The following SLC41A3 variants were observed in gnomAD, a reference collection of about 807,000 sequenced individuals.
SLC41A3 encodes the protein SLC41A1-like 2.
SLC41A3 carries 44 observed loss-of-function variants against 45.4 expected under a neutral mutation model. The observed-to-expected ratio is 0.97, with a 90% CI of 0.76 to 1.25. SLC41A3 has a LOEUF of 1.25. Ranked by LOEUF, SLC41A3 falls within the 50% of genes most tolerant of loss-of-function variation. The probability of loss-of-function intolerance (pLI) is 0.00; values close to 1 mark genes in which losing one functional copy is unlikely to be tolerated. For missense variants in SLC41A3, 550 were observed against 600.6 expected, an observed-to-expected ratio of 0.92 and a Z score of 0.88; for synonymous variants, 256 against 252.4, an observed-to-expected ratio of 1.01 and a Z score of -0.13.
intron 3 of SLC41A3, among the ~76,000 whole-genome samples, chr3:126,040,717 A>C (rs1001784989): frequency 2.6e-5 from 4 of 152,182 alleles, no homozygotes; most frequent in Non-Finnish European, 4.4e-5. Context: ...TACCCATGAA[A>C]AGAGTTACTG....
chr3:126,028,732 C>T (rs1221498623), intron 4 of SLC41A3, among the ~76,000 whole-genome samples: 1 of 152,264 alleles, frequency 6.6e-6, no homozygotes, highest in Non-Finnish European at 1.5e-5. Flanking sequence ...GCACTGAATA[C>T]CAGCCCATGA....
intron 2 of SLC41A3, among the ~76,000 whole-genome samples, chr3:126,062,202 T>C (rs563902307): frequency 6.6e-6 from 1 of 152,272 alleles, no homozygotes; most frequent in South Asian, 2.1e-4. Flanking sequence ...TCCTGGTGGA[T>C]TACCACCACC....
chr3:126,083,859 C>T (rs537624774), intron 1 of SLC41A3: 1 of 150,088 alleles, frequency 6.7e-6, no homozygotes, highest in Non-Finnish European at 1.5e-5. Flanking sequence ...GCCGCCCCTC[C>T]GACCCCTCGT....
chr3:126,081,719 G>C (rs1945162588), intron 1 of SLC41A3, among the ~76,000 whole-genome samples: 1 of 152,210 alleles, frequency 6.6e-6, no homozygotes, highest in Non-Finnish European at 1.5e-5. Flanking sequence ...GAAGGGCCTG[G>C]AACACAGCCA....
At chr3:126,019,711 C>G (rs1319220367) in intron 6 of SLC41A3, among the ~76,000 whole-genome samples, 2 of 152,188 alleles carry the variant, frequency 1.3e-5, no homozygotes, top group Non-Finnish European at 1.5e-5. Context: ...TCCTCTGACT[C>G]CATGCCAGGC....
At chr3:126,055,097 CA>C (rs1053686821) in intron 2 of SLC41A3, among the ~76,000 whole-genome samples, 6 of 152,138 alleles carry the variant, frequency 3.9e-5, no homozygotes, top group Non-Finnish European at 7.4e-5. Context: ...AACTTGGACC[CA>C]GGGGCACAGA....
chr3:126,012,764 G>T lies in SLC41A3; in HGVS notation c.971-15C>A, dbSNP rs1435168218. ...GCCACCAACACCTACGAGGAGAAAAGGAATCTGTTTTCCCTTTCTTTACGC... is the reference window on the plus strand; with the variant it reads ...GCCACCAACACCTACGAGGAGAAAATGAATCTGTTTTCCCTTTCTTTACGC... On this transcript the variant is annotated splice_polypyrimidine_tract_variant and intron_variant, in intron 8 of 10. Coordinates refer to ENST00000360370, the MANE Select transcript of SLC41A3 (RefSeq NM_017836.4). The T allele has an allele frequency of 1.2e-6, 2 of 1,613,902 alleles. No homozygotes were observed. The highest frequency in any genetic ancestry group is 1.7e-6 in the Non-Finnish European group (2 of 1,179,816).
At chr3:126,091,483 G>T (rs1403903112) in intron 1 of SLC41A3, among the ~76,000 whole-genome samples, 1 of 152,186 alleles carries the variant, frequency 6.6e-6, no homozygotes, top group East Asian at 1.9e-4. Flanking sequence ...AAGACGTCCT[G>T]ACTGGAAATT....
In SLC41A3 at chr3:126,007,199, T is replaced by C. The variant is rs753303291; in HGVS notation, c.1281A>G (p.Glu427=). 5.6e-6 allele frequency: 9 copies of C among 1,614,034 alleles called. No homozygotes were observed. The highest frequency in any genetic ancestry group is 7.6e-6 in the Non-Finnish European group (9 of 1,179,908). ...IQVTILLYLA[E]VMVRLTWHQA... ...GGTGCCAAGTCAGCCGAACCATCAC[T>C]TCTGCGAGGTACAGCAGGATTGTCA... is the stretch of plus-strand genomic sequence containing the variant. The change falls in exon 11 of 11, where the codon GAA becomes GAG. Residue 427 remains glutamate, a synonymous_variant. Transcript: ENST00000360370.
chr3:126,022,993 C>A, intron 5 of SLC41A3, 61 bp from the exon 6 acceptor site: 4 of 1,600,710 alleles, frequency 2.5e-6, no homozygotes, highest in Non-Finnish European at 3.4e-6. Context: ...TGGCTCTGAG[C>A]AGGCACAGCA....
chr3:126,054,478 C>A (rs1213219736), intron 2 of SLC41A3, among the ~76,000 whole-genome samples: 1 of 152,120 alleles, frequency 6.6e-6, no homozygotes, highest in Non-Finnish European at 1.5e-5. Flanking sequence ...GCACGGCACA[C>A]CCTCTGAGCA....
intron 2 of SLC41A3, among the ~76,000 whole-genome samples, chr3:126,059,181 G>A (rs1943857861): frequency 6.8e-6 from 1 of 147,286 alleles, no homozygotes; most frequent in Non-Finnish European, 1.5e-5. Flanking sequence ...CTAAATGCCA[G>A]GGTACACTGC....
At chr3:126,068,876 A>G (rs1052033687) in intron 1 of SLC41A3, among the ~76,000 whole-genome samples, 1 of 152,122 alleles carries the variant, frequency 6.6e-6, no homozygotes. Context: ...GGCTGTCTGT[A>G]TTTAACCCCA....
chr3:126,015,237 G>A (rs1021984150), intron 8 of SLC41A3, among the ~76,000 whole-genome samples: 1 of 152,234 alleles, frequency 6.6e-6, no homozygotes, highest in Admixed American at 6.5e-5. Context: ...TGTCAGGAGA[G>A]CTTATGTCCC....
In SLC41A3 at chr3:126,016,426, G is replaced by A. The variant is rs568807475; in HGVS notation, c.890+305C>T. Among the ~76,000 whole-genome samples the A allele has an allele frequency of 1.6e-3, 243 of 152,364 alleles. 2 individuals are homozygous for A. Among genetic ancestry groups the A allele is most frequent in the Non-Finnish European group, 1.9e-3 (129 of 68,036 alleles). The stretch of plus-strand genomic sequence containing the variant: ...TAGTGGCAATGGCCTGAAAGCCGCT[G>A]TCTCCCTTGGGGCTCCAGTGCACTC... On this transcript the variant is annotated intron_variant, in intron 7 of 10. Transcript: ENST00000360370.
chr3:126,091,063 GTC>G (rs925228925), intron 1 of SLC41A3, among the ~76,000 whole-genome samples: 19 of 152,250 alleles, frequency 1.2e-4, no homozygotes, highest in Middle Eastern at 3.4e-3. Flanking sequence ...GGGCATTGCT[GTC>G]TCTTCTCACA....
At chr3:126,043,135 G>A (rs978996329) in intron 3 of SLC41A3, among the ~76,000 whole-genome samples, 9 of 151,868 alleles carry the variant, frequency 5.9e-5, no homozygotes, top group African/African-American at 1.9e-4. Context: ...AACAAAAAGA[G>A]AATCTTCAAA....
chr3:126,070,224 C>A (rs1416277277), intron 1 of SLC41A3: 1 of 152,182 alleles, frequency 6.6e-6, no homozygotes, highest in Non-Finnish European at 1.5e-5. Context: ...GAGCAGGGGT[C>A]CCCAACCCCC....
intron 1 of SLC41A3, chr3:126,095,290 G>T: frequency 1.5e-6 from 1 of 672,980 alleles, no homozygotes; most frequent in Non-Finnish European, 2.7e-6. Flanking sequence ...AGGACCCCCT[G>T]TTGCAGCCGT....
Sources: allele counts gnomAD v4.1 joint callset (sites outside exome capture counted in the v4.1 genomes callset), GRCh38; gene constraint gnomAD v4.1.1; transcripts MANE v1.5; gene names NCBI Gene and HGNC (gene_info 2026-07-23, HGNC 2026-07-21).